FHL1: variants seen among roughly 807,000 people sequenced by gnomAD.
FHL1 encodes four and a half LIM domains protein 1.
Under a neutral mutation model 20.3 loss-of-function variants are expected in FHL1, and 1 was observed. The observed-to-expected ratio is 0.05, with a 90% confidence interval of 0.02 to 0.23. FHL1 has a LOEUF of 0.23. Among genes scored for constraint, FHL1 ranks in the 10% least tolerant of loss-of-function variants. The pLI is 1.00. For synonymous variants in FHL1, 82 were observed against 88.9 expected (o/e 0.92, Z 0.44); for missense variants, 177 against 234.0 (o/e 0.76, Z 1.59).
In FHL1 at chrX:136,185,948, T is replaced by C. The variant is rs1323088952; in HGVS notation, c.-27+15968T>C. Among the ~76,000 whole-genome samples, 5 of 112,042 alleles carry C rather than the reference T, an allele frequency of 4.5e-5. No homozygotes were observed. The Admixed American group carries it at 4.7e-4, about 11-fold the overall frequency. ...CAGAAGGGCTTGTGCCCAGCTCGGC[T>C]TGCTCCATTATAATCCCCAGCTGAG... is the stretch of plus-strand genomic sequence containing the variant. On this transcript the variant is annotated intron_variant, in intron 2 of 6. Transcript: ENST00000394153.
At chrX:136,197,413 A>G (rs2073585980) in intron 1 of FHL1, among the ~76,000 whole-genome samples, 1 of 112,214 alleles carries the variant, frequency 8.9e-6, no homozygotes, top group Non-Finnish European at 1.9e-5. Context: ...TCATGAAACT[A>G]TAAGAGATTG....
intron 2 of FHL1, among the ~76,000 whole-genome samples, chrX:136,171,689 G>A (rs1268747441): frequency 9.0e-6 from 1 of 111,383 alleles, no homozygotes; most frequent in Non-Finnish European, 1.9e-5. Flanking sequence ...TCTTAAAGTG[G>A]AACATTTAAA....
At chrX:136,185,198 G>C (rs1371334081) in intron 2 of FHL1, among the ~76,000 whole-genome samples, 1 of 112,378 alleles carries the variant, frequency 8.9e-6, no homozygotes, top group African/African-American at 3.2e-5. Flanking sequence ...TCAGTATCCT[G>C]TTTCACAATT....
At chrX:136,205,761 T>G (rs2073823299) in intron 1 of FHL1, among the ~76,000 whole-genome samples, 1 of 111,657 alleles carries the variant, frequency 9.0e-6, no homozygotes, top group African/African-American at 3.3e-5. Context: ...ATGAATAGAA[T>G]TTTATAGATA....
intron 2 of FHL1, among the ~76,000 whole-genome samples, chrX:136,185,375 G>C (rs1433219757): frequency 2.7e-5 from 3 of 112,165 alleles, no homozygotes; most frequent in African/African-American, 9.7e-5. Context: ...GAATTGCCAT[G>C]ACGTGGCTGG....
In FHL1 at chrX:136,197,123, A is replaced by G. The variant is rs1373896210; in HGVS notation, c.11A>G (p.His4Arg). 3 of 1,209,674 alleles carry G rather than the reference A, an allele frequency of 2.5e-6. No individual in the cohort carries two copies. In the South Asian group the frequency reaches 5.3e-5, roughly 21 times the overall value. The change falls in exon 1 of 6, where the codon CAT (histidine) becomes CGT (arginine). Residue 4 changes from histidine (H) to arginine (R), a missense_variant. Coordinates refer to ENST00000370683, the MANE Select transcript of FHL1 (RefSeq NM_001159699.2). MAS[H>R]RHSGPSSYKV... ...CTTGGTCTCTGAGCCATGGCTTCCC[A>G]TAGACACTCAGGTAAAACTTCATGC... is the stretch of plus-strand genomic sequence containing the variant.
In FHL1 at chrX:136,204,858, T is replaced by G. The variant is rs961474397; in HGVS notation, c.23-1549T>G. 3.6e-5 allele frequency: 4 copies of G among 112,002 alleles called. No homozygotes were observed. In the Admixed American group the frequency reaches 3.8e-4, roughly 11 times the overall value. The allele number at this position is 112,002 out of a possible 1,213,427, so 9.2% of individuals were successfully genotyped here. The stretch of plus-strand genomic sequence containing the variant: ...TCATGGCAACAAGATCCAAATAACT[T>G]GGACATGTGTTTGTATAAAAAAAAC... On this transcript the variant is annotated intron_variant, in intron 1 of 5. Transcript: ENST00000370683.
chrX:136,192,713 G>T (rs921555425), upstream of FHL1, among the ~76,000 whole-genome samples: 2 of 111,856 alleles, frequency 1.8e-5, no homozygotes, highest in African/African-American at 6.5e-5. Flanking sequence ...TTCCAGGGGT[G>T]CTCCTTCATT....
intron 1 of FHL1, among the ~76,000 whole-genome samples, chrX:136,162,984 A>C (rs1031329162): frequency 8.9e-6 from 1 of 112,297 alleles, no homozygotes; most frequent in African/African-American, 3.2e-5. Context: ...ATGACACTTT[A>C]GTTCTCCAGC....
chrX:136,153,858 A>G (rs1017922999), intron 1 of FHL1, among the ~76,000 whole-genome samples: 1 of 111,593 alleles, frequency 9.0e-6, no homozygotes, highest in Non-Finnish European at 1.9e-5. Flanking sequence ...TTTCTGAACG[A>G]CTGCTACATC....
At chrX:136,169,924 T>G in exon 2 of FHL1, 1 of 331,108 alleles carries the variant, frequency 3.0e-6, no homozygotes. Context: ...GGAAGTTGTT[T>G]TCAACCATAT....
intron 1 of FHL1, chrX:136,206,165 C>T (rs2073834199): frequency 4.5e-6 from 2 of 447,491 alleles, no homozygotes; most frequent in East Asian, 7.4e-5. Flanking sequence ...CTTCTACCAT[C>T]TCCCCAGGGA....
upstream of FHL1, among the ~76,000 whole-genome samples, chrX:136,192,302 G>A (rs1320133090): frequency 2.7e-5 from 3 of 111,691 alleles, no homozygotes; most frequent in Non-Finnish European, 3.8e-5. Context: ...TGTAGGATGT[G>A]GTTAGGATAG....
At chrX:136,162,115 C>G (rs1405354727) in intron 1 of FHL1, among the ~76,000 whole-genome samples, 3 of 65,857 alleles carry the variant, frequency 4.6e-5, no homozygotes, top group Non-Finnish European at 8.9e-5. Context: ...AGAGAGAGAC[C>G]CTGTCTCAAA....
chrX:136,208,514 G>T lies in FHL1; in HGVS notation c.609G>T (p.Val203=). ...QDQPWHADCF[V]CVTCSKKLAG... is the part of the protein sequence containing the mutation. ...AGCCCTGGCATGCCGATTGCTTTGT[G>T]TGTGTTACCTGCTCTAAGAAGCTGG... Residue 203 remains valine, a synonymous_variant, in exon 5 of 6, where the codon GTG becomes GTT. Transcript: ENST00000370683. 4 of 1,211,803 alleles carry T rather than the reference G, an allele frequency of 3.3e-6. No individual in the cohort carries two copies. Among genetic ancestry groups the T allele is most frequent in the Non-Finnish European group, 4.5e-6 (4 of 895,491 alleles).
intron 1 of FHL1, among the ~76,000 whole-genome samples, chrX:136,153,287 G>GT (rs912078924): frequency 1.9e-5 from 2 of 103,518 alleles, no homozygotes; most frequent in Non-Finnish European, 4.0e-5. Flanking sequence ...CGGGAGGTGG[G>GT]GGGGGGCAGG....
Position 136,207,789 on chromosome X carries a change from C to T in FHL1, c.380-3C>T. 1 of 1,211,531 alleles carries T rather than the reference C, an allele frequency of 8.3e-7. No homozygotes were observed. Among genetic ancestry groups the T allele is most frequent in the Non-Finnish European group, 1.1e-6 (1 of 895,321 alleles). On this transcript the variant is annotated splice_polypyrimidine_tract_variant and splice_region_variant and intron_variant, in intron 3 of 5. Transcript: ENST00000370683. ...GGGGCTATCCAATTGCTTCCCTCTG[C>T]AGGAGATCAAAACGTGGAGTACAAG...
chrX:136,149,478 T>A (rs2072206275), intron 1 of FHL1, among the ~76,000 whole-genome samples: 1 of 112,371 alleles, frequency 8.9e-6, no homozygotes, highest in Non-Finnish European at 1.9e-5. Context: ...GCAAATATAA[T>A]CTTTATGCAA....
At chrX:136,175,202 A>G (rs1241500399) in intron 2 of FHL1, among the ~76,000 whole-genome samples, 4 of 112,386 alleles carry the variant, frequency 3.6e-5, no homozygotes, top group Non-Finnish European at 5.6e-5. Context: ...TTATATCACA[A>G]TGTAAAGAAA....
Sources: allele counts gnomAD v4.1 joint callset (sites outside exome capture counted in the v4.1 genomes callset), GRCh38; gene constraint gnomAD v4.1.1; transcripts MANE v1.5; gene names NCBI Gene and HGNC (gene_info 2026-07-23, HGNC 2026-07-21).